USP48: variants seen among roughly 807,000 people sequenced by gnomAD.
USP48 encodes the protein ubiquitin specific peptidase 48.
In USP48, 43 loss-of-function variants were observed where a neutral mutation model predicts 150.7. That is an observed-to-expected ratio of 0.29 (90% CI 0.22 to 0.37). USP48 has a LOEUF of 0.37. Ranked by LOEUF, USP48 falls within the 10% of genes least tolerant of loss-of-function variation. The pLI is 1.00. For missense variants in USP48, 813 were observed against 1,249.6 expected, an observed-to-expected ratio of 0.65 and a Z score of 5.27; for synonymous variants, 396 against 425.9, an observed-to-expected ratio of 0.93 and a Z score of 0.86.
intron 11 of USP48, chr1:21,724,301 T>C (rs2097730306): frequency 1.6e-6 from 1 of 620,644 alleles, no homozygotes; most frequent in Non-Finnish European, 2.8e-6. Flanking sequence ...CTGTGCACCA[T>C]AATGCTGAGT....
At chr1:21,747,201 A>G in intron 7 of USP48, 52 bp from the exon 8 acceptor site, 2 of 1,312,042 alleles carry the variant, frequency 1.5e-6, no homozygotes, top group Non-Finnish European at 2.1e-6. Context: ...TCATAATACA[A>G]TATATAAGCT....
intron 1 of USP48, among the ~76,000 whole-genome samples, chr1:21,780,567 TAATGA>T (rs1201507950): frequency 2.0e-5 from 3 of 152,006 alleles, no homozygotes; most frequent in Admixed American, 6.6e-5. Flanking sequence ...GGTATTTTTT[TAATGA>T]AATGAAGTGC....
At chr1:21,681,236 T>C (rs2097564944) in intron 25 of USP48, 1 of 158,092 alleles carries the variant, frequency 6.3e-6, no homozygotes, top group African/African-American at 2.4e-5. Flanking sequence ...TTAGCCTATT[T>C]CTAAATAACA....
intron 21 of USP48, among the ~76,000 whole-genome samples, chr1:21,702,223 C>T (rs574745144): frequency 1.3e-5 from 2 of 152,216 alleles, no homozygotes; most frequent in South Asian, 4.2e-4. Context: ...GCTTGTAAAG[C>T]AGAACCCTTG....
intron 1 of USP48, among the ~76,000 whole-genome samples, chr1:21,776,825 C>T (rs1055066331): frequency 1.4e-4 from 22 of 151,748 alleles, no homozygotes; most frequent in African/African-American, 4.8e-4. Context: ...GTGGTGCCTG[C>T]AATGCCAGCT....
At chr1:21,725,647 G>A (rs1162357511) in intron 11 of USP48, among the ~76,000 whole-genome samples, 1 of 152,054 alleles carries the variant, frequency 6.6e-6, no homozygotes, top group Non-Finnish European at 1.5e-5. Flanking sequence ...CAGCTATTCG[G>A]GAGGCTGAGG....
At chr1:21,766,327 T>C (rs2152629998) in intron 1 of USP48, among the ~76,000 whole-genome samples, 1 of 152,146 alleles carries the variant, frequency 6.6e-6, no homozygotes, top group East Asian at 1.9e-4. Context: ...GCTGAGATCA[T>C]GGCACTGCAC....
chr1:21,715,426 C>T lies in USP48; in HGVS notation c.1926G>A (p.Glu642=). Residue 642 remains glutamate, a synonymous_variant, in exon 15 of 27, where the codon GAG becomes GAA. Transcript: ENST00000308271. The part of the protein sequence containing the change: ...DESKEERKEE[E]ELNFNEDILC... Reference sequence around the variant, plus strand: ...GAATATCTTCATTAAAATTTAATTCCTCCTCTTCTTTTCTTTCTTCCTTTG... The same window carrying T: ...GAATATCTTCATTAAAATTTAATTCTTCCTCTTCTTTTCTTTCTTCCTTTG... 3 of 1,588,616 alleles carry T rather than the reference C, an allele frequency of 1.9e-6. No individual in the cohort carries two copies. Among genetic ancestry groups the T allele is most frequent in the Non-Finnish European group, 2.6e-6 (3 of 1,158,362 alleles).
In USP48 at chr1:21,720,681, C is replaced by T. The variant is rs1388432847; in HGVS notation, c.1894+355G>A. Among the ~76,000 whole-genome samples, 4 of 152,224 alleles carry T rather than the reference C, an allele frequency of 2.6e-5. No homozygotes were observed. The East Asian group carries it at 7.7e-4, about 29-fold the overall frequency. ...TAGCTGGGACCACAGGTGTGCAACACCACTCCTGGCTAATTATTTTTGTAT... is the reference window on the plus strand; with the variant it reads ...TAGCTGGGACCACAGGTGTGCAACATCACTCCTGGCTAATTATTTTTGTAT... On this transcript the variant is annotated intron_variant, in intron 14 of 26. Coordinates refer to ENST00000308271, the MANE Select transcript of USP48 (RefSeq NM_032236.8).
chr1:21,746,995 T>C, intron 8 of USP48, 72 bp downstream of exon 8: 4 of 1,249,284 alleles, frequency 3.2e-6, no homozygotes, highest in Non-Finnish European at 4.4e-6. Context: ...TGCTATTCTA[T>C]ATTAATCACA....
chr1:21,751,204 A>T lies in USP48; in HGVS notation c.774+303T>A, dbSNP rs333196. Reference sequence around the variant, plus strand: ...CGTTTTCATTAGACAACAAGGTAAAATACCTTTATGATAACTCAGCATAGA... The same window carrying T: ...CGTTTTCATTAGACAACAAGGTAAATTACCTTTATGATAACTCAGCATAGA... On this transcript the variant is annotated intron_variant, in intron 6 of 26. Coordinates refer to ENST00000308271, the MANE Select transcript of USP48 (RefSeq NM_032236.8). Among the ~76,000 whole-genome samples, 11,624 of 152,278 alleles carry T rather than the reference A, an allele frequency of 0.076. 502 individuals are homozygous for T. The highest frequency in any genetic ancestry group is 0.11 in the Middle Eastern group (32 of 294).
chr1:21,783,002 G>A lies in USP48; in HGVS notation c.-45C>T, dbSNP rs774135080. On this transcript the variant is annotated 5_prime_UTR_variant, in exon 1 of 27. Coordinates refer to ENST00000308271, the MANE Select transcript of USP48 (RefSeq NM_032236.8). ...CCTCCCGAGCCAGACCGCCGCAGCCGCCGCCGCGGTCTGCACCGCCGCCCC... is the reference window on the plus strand; with the variant it reads ...CCTCCCGAGCCAGACCGCCGCAGCCACCGCCGCGGTCTGCACCGCCGCCCC... The A allele has an allele frequency of 3.9e-5, 58 of 1,479,220 alleles. 2 individuals carry two copies. The South Asian group carries it at 6.7e-4, about 17-fold the overall frequency. 91.6% of individuals were successfully genotyped at this position (1,479,220 alleles called of 1,614,324 possible).
intron 21 of USP48, 148 bp downstream of exon 21, chr1:21,703,364 T>A (rs1261682931): frequency 5.6e-6 from 3 of 534,452 alleles, no homozygotes; most frequent in Non-Finnish European, 1.0e-5. Context: ...TCATTTTCAA[T>A]TATTGTCCAA....
intron 12 of USP48, among the ~76,000 whole-genome samples, chr1:21,721,979 C>G (rs755687659): frequency 6.6e-6 from 1 of 151,934 alleles, no homozygotes; most frequent in Non-Finnish European, 1.5e-5. Context: ...CAATGAGAGA[C>G]AAAATGTTGT....
Position 21,679,176 on chromosome 1 carries a change from C to T in USP48, c.*241G>A, listed in dbSNP as rs2097558649. 4 of 420,264 alleles carry T rather than the reference C, an allele frequency of 9.5e-6. No homozygotes were observed. Among genetic ancestry groups the T allele is most frequent in the South Asian group, 6.9e-5 (3 of 43,668 alleles). 26.0% of individuals were successfully genotyped at this position (420,264 alleles called of 1,614,324 possible). ...TTGTTCCGTCTTTACTTGCCCCCTCCCACCCACCACCCCCCTTAAATATAA... is the reference window on the plus strand; with the variant it reads ...TTGTTCCGTCTTTACTTGCCCCCTCTCACCCACCACCCCCCTTAAATATAA... On this transcript the variant is annotated 3_prime_UTR_variant, in exon 27 of 27. Coordinates refer to ENST00000308271, the MANE Select transcript of USP48 (RefSeq NM_032236.8).
At chr1:21,695,683 T>G (rs6701954) in intron 22 of USP48, among the ~76,000 whole-genome samples, 67,579 of 151,972 alleles carry the variant, frequency 0.44, 15,634 homozygotes, top group East Asian at 0.66. Context: ...GACTCCAGTC[T>G]GCTGACAGAG....
At chr1:21,711,490 A>G (rs1243052820) in intron 15 of USP48, among the ~76,000 whole-genome samples, 1 of 152,206 alleles carries the variant, frequency 6.6e-6, no homozygotes, top group Non-Finnish European at 1.5e-5. Flanking sequence ...ATGAAGTGAC[A>G]AGCTGAGACA....
At chr1:21,688,842 C>CAAAAAAA (rs1185263002) in intron 24 of USP48, among the ~76,000 whole-genome samples, 3 of 88,934 alleles carry the variant, frequency 3.4e-5, no homozygotes, top group Non-Finnish European at 4.3e-5. Flanking sequence ...GACTCCATCT[C>CAAAAAAA]AAAAAAAAAA....
intron 23 of USP48, 86 bp from the exon 24 acceptor site, chr1:21,690,185 TAA>T (rs11422483): frequency 2.5e-3 from 2,691 of 1,055,812 alleles, no homozygotes; most frequent in South Asian, 6.3e-3. Flanking sequence ...CATGGATTCT[TAA>T]AAAAAAAAAA....
Sources: gnomAD v4.1 joint callset for allele counts (sites outside exome capture counted in the v4.1 genomes callset) on GRCh38, gnomAD v4.1.1 for gene constraint, MANE v1.5 for transcripts, NCBI Gene and HGNC (gene_info 2026-07-23, HGNC 2026-07-21) for gene names.